The following MAP7D2 variants were observed in gnomAD, a reference collection of about 807,000 sequenced individuals.
The protein encoded by MAP7D2 is MAP7 domain-containing protein 2.
In MAP7D2, 33 loss-of-function variants were observed where a neutral mutation model predicts 63.5. The observed-to-expected ratio is 0.52, with a 90% CI of 0.39 to 0.70. The LOEUF is 0.70. Among genes scored for constraint, MAP7D2 ranks in the 30% least tolerant of loss-of-function variants. The pLI, the probability that MAP7D2 is intolerant of heterozygous loss-of-function variation, is 0.00. For missense variants in MAP7D2, 626 were observed against 604.0 expected, an observed-to-expected ratio of 1.04 and a Z score of -0.38; for synonymous variants, 224 against 223.7, an observed-to-expected ratio of 1.00 and a Z score of -0.01.
chrX:20,078,525 AGAG>A lies in MAP7D2; in HGVS notation c.131-13723_131-13721del, dbSNP rs2065701948. 3.6e-5 allele frequency among the ~76,000 whole-genome samples: 4 copies of A among 112,542 alleles called. No individual in the cohort carries two copies. In the South Asian group the frequency reaches 1.5e-3, roughly 41 times the overall value. On this transcript the variant is annotated intron_variant, in intron 1 of 16. Coordinates refer to ENST00000379643, the MANE Select transcript of MAP7D2 (RefSeq NM_001168465.2). ...GAAGCACGAAGGATGATGCTAAGAA[AGAG>A]GAGTGGGCTCTGCCCAGCTCAGTTA...
chrX:20,038,356 G>A (rs764744891), intron 8 of MAP7D2, among the ~76,000 whole-genome samples: 1 of 111,767 alleles, frequency 8.9e-6, no homozygotes, highest in East Asian at 2.8e-4. Flanking sequence ...TGCAGCAGTG[G>A]GCTCATGCTC....
At chrX:20,050,426 T>C (rs922750067) in intron 6 of MAP7D2, among the ~76,000 whole-genome samples, 3 of 112,218 alleles carry the variant, frequency 2.7e-5, no homozygotes, top group Admixed American at 9.4e-5. Context: ...CTCCATCTTA[T>C]AGATGAGAAA....
chrX:20,074,430 C>T (rs2065593064), intron 1 of MAP7D2, among the ~76,000 whole-genome samples: 1 of 112,031 alleles, frequency 8.9e-6, no homozygotes, highest in Non-Finnish European at 1.9e-5. Flanking sequence ...AACTGAAAAT[C>T]AACTGACAGA....
At chrX:20,113,158 T>C (rs758966427) in intron 1 of MAP7D2, among the ~76,000 whole-genome samples, 1 of 111,840 alleles carries the variant, frequency 8.9e-6, no homozygotes, top group Non-Finnish European at 1.9e-5. Context: ...ACAAACCAAA[T>C]ACAACTTTGT....
chrX:20,092,306 A>G (rs141495886), intron 1 of MAP7D2, among the ~76,000 whole-genome samples: 1 of 111,422 alleles, frequency 9.0e-6, no homozygotes, highest in Admixed American at 9.6e-5. Context: ...ACTTTGACGT[A>G]CTGAACTGAA....
rs183741869 is a variant in MAP7D2, at chrX:20,012,314, G to A, written c.2072+35C>T. 2.1e-4 allele frequency: 223 copies of A among 1,058,658 alleles called. No individual in the cohort carries two copies. In the African/African-American group the frequency reaches 3.6e-3, roughly 17 times the overall value. 87.2% of individuals were successfully genotyped at this position (1,058,658 alleles called of 1,213,427 possible). A position where few individuals can be genotyped will look rare whatever the true frequency, so the allele number is the denominator to read the frequency against. On this transcript the variant is annotated intron_variant, in intron 15 of 16. Coordinates refer to ENST00000379643, the MANE Select transcript of MAP7D2 (RefSeq NM_001168465.2). ...AAAAGAAAGGGTAGTGTTTCGAGAA[G>A]TGATGAGGCTTAAATGCAAAAGAAA...
rs192670175 is a variant in MAP7D2 at position 20,069,845 on chromosome X, C to T, written c.131-5040G>A. On this transcript the variant is annotated intron_variant, in intron 1 of 16. Coordinates refer to ENST00000379643, the MANE Select transcript of MAP7D2 (RefSeq NM_001168465.2). ...GGCTGGAGTGCAGTGGCACAATCAGCTCACTGCAGCCTCGAACTCCTGGGC... is the reference window on the plus strand; with the variant it reads ...GGCTGGAGTGCAGTGGCACAATCAGTTCACTGCAGCCTCGAACTCCTGGGC... Among the ~76,000 whole-genome samples the T allele has an allele frequency of 5.6e-3, 594 of 106,294 alleles. 5 individuals carry two copies. Among genetic ancestry groups the T allele is most frequent in the Admixed American group, 8.3e-3 (82 of 9,906 alleles). The allele number at this position is 106,294 out of a possible 115,157, so 92.3% of individuals were successfully genotyped here. A position where few individuals can be genotyped will look rare whatever the true frequency, so the allele number is the denominator to read the frequency against.
At chrX:20,050,569 C>T (rs925986541) in intron 6 of MAP7D2, among the ~76,000 whole-genome samples, 3 of 111,856 alleles carry the variant, frequency 2.7e-5, no homozygotes, top group African/African-American at 9.8e-5. Flanking sequence ...AGTCTACTAA[C>T]CTCCAGAGTT....
chrX:20,067,345 C>T (rs1372987382), intron 1 of MAP7D2, among the ~76,000 whole-genome samples: 1 of 112,450 alleles, frequency 8.9e-6, no homozygotes, highest in Non-Finnish European at 1.9e-5. Context: ...GTTCCACAGA[C>T]ATGCATGATT....
intron 7 of MAP7D2, among the ~76,000 whole-genome samples, chrX:20,043,843 A>G (rs1485693507): frequency 8.9e-6 from 1 of 112,013 alleles, no homozygotes; most frequent in Non-Finnish European, 1.9e-5. Context: ...TGCCATCAAA[A>G]ATGTTTAAGC....
At chrX:20,102,238 T>C (rs780711282) in intron 1 of MAP7D2, among the ~76,000 whole-genome samples, 1 of 111,668 alleles carries the variant, frequency 9.0e-6, no homozygotes, top group Non-Finnish European at 1.9e-5. Flanking sequence ...TCATAATCAA[T>C]GCTGTAATGG....
In MAP7D2 at chrX:20,098,437, C is replaced by G. The variant is rs746126630; in HGVS notation, c.130+18313G>C. 1.3e-4 allele frequency among the ~76,000 whole-genome samples: 15 copies of G among 112,082 alleles called. No homozygotes were observed. The South Asian group carries it at 5.6e-3, about 42-fold the overall frequency. On this transcript the variant is annotated intron_variant, in intron 1 of 16. Coordinates refer to ENST00000379643, the MANE Select transcript of MAP7D2 (RefSeq NM_001168465.2). ...GTAAACTCCAAATAAAAAGTTACAC[C>G]AGGAGGGTTTAAACAACTGGAAGTG...
At chrX:20,106,639 C>T (rs970814335) in intron 1 of MAP7D2, among the ~76,000 whole-genome samples, 7 of 112,208 alleles carry the variant, frequency 6.2e-5, no homozygotes, top group Admixed American at 5.7e-4. Context: ...GCACGTGAAA[C>T]GCAAACAGTC....
chrX:20,075,507 T>C (rs1029624977), intron 1 of MAP7D2, among the ~76,000 whole-genome samples: 7 of 110,498 alleles, frequency 6.3e-5, no homozygotes, highest in African/African-American at 2.0e-4. Context: ...CCATGAGCCA[T>C]GTTGGACTGT....
At chrX:20,049,948 A>G (rs763893250) in intron 6 of MAP7D2, 1 of 285,246 alleles carries the variant, frequency 3.5e-6, no homozygotes, top group East Asian at 1.1e-4. Context: ...GATGTTGAGC[A>G]TCTTATGAAC....
intron 6 of MAP7D2, among the ~76,000 whole-genome samples, chrX:20,046,092 T>G (rs1460261257): frequency 8.9e-6 from 1 of 112,189 alleles, no homozygotes; most frequent in Non-Finnish European, 1.9e-5. Context: ...TGCTATGACT[T>G]TTGTCTAATG....
intron 2 of MAP7D2, 44 bp downstream of exon 2, chrX:20,064,684 A>T: frequency 9.3e-7 from 1 of 1,073,143 alleles, no homozygotes. Flanking sequence ...ACACCACCAT[A>T]TCTCCACTCC....
chrX:20,060,856 T>C (rs923318837), intron 3 of MAP7D2, among the ~76,000 whole-genome samples: 27 of 110,138 alleles, frequency 2.5e-4, no homozygotes, highest in Non-Finnish European at 3.0e-4. Context: ...AGACAGGCCA[T>C]TGGTGGTACC....
At chrX:20,077,477 A>C (rs2065676443) in intron 1 of MAP7D2, among the ~76,000 whole-genome samples, 1 of 111,865 alleles carries the variant, frequency 8.9e-6, no homozygotes, top group African/African-American at 3.2e-5. Context: ...ACAACAACAA[A>C]AAAAACAGGA....
Sources: gnomAD v4.1 joint callset for allele counts (sites outside exome capture counted in the v4.1 genomes callset) on GRCh38, gnomAD v4.1.1 for gene constraint, MANE v1.5 for transcripts, NCBI Gene and HGNC (gene_info 2026-07-23, HGNC 2026-07-21) for gene names.